The following XAF1 variants were observed in gnomAD, a reference collection of about 807,000 sequenced individuals.
XAF1 encodes XIAP-associated factor 1.
In XAF1, 32 loss-of-function variants were observed where a neutral mutation model predicts 32.3. The ratio of observed to expected loss-of-function variants is 0.99; its 90% CI spans 0.75 to 1.33. The LOEUF is 1.33. Ranked by LOEUF, XAF1 falls within the 40% of genes most tolerant of loss-of-function variation. The probability of loss-of-function intolerance (pLI) is 0.00; values close to 1 mark genes in which losing one functional copy is unlikely to be tolerated. For synonymous variants in XAF1, 120 were observed against 125.9 expected, an observed-to-expected ratio of 0.95 and a Z score of 0.31; for missense variants, 379 against 366.0, an observed-to-expected ratio of 1.04 and a Z score of -0.29.
rs1209514482 is a variant in XAF1, at chr17:6,758,097, A to G, written c.41A>G (p.His14Arg). The G allele has an allele frequency of 6.2e-7, 1 of 1,614,232 alleles. No homozygotes were observed. The highest frequency in any genetic ancestry group is 1.1e-5 in the South Asian group (1 of 91,078). Residue 14 changes from histidine to arginine, a missense_variant, in exon 2 of 7, where the codon CAT becomes CGT. Transcript: ENST00000361842. Reference sequence around the variant, plus strand: ...ACACCTTGACCCTGTAGTAAAAGACATGTAGTCTCTGCCAACTTCACCCTC... The same window carrying G: ...ACACCTTGACCCTGTAGTAAAAGACGTGTAGTCTCTGCCAACTTCACCCTC... ...DFSVCRNCKR[H>R]VVSANFTLHE... is the part of the protein sequence containing the mutation.
chr17:6,760,692 C>A, intron 4 of XAF1, 91 bp downstream of exon 4: 2 of 1,283,242 alleles, frequency 1.6e-6, no homozygotes, highest in Non-Finnish European at 2.2e-6. Flanking sequence ...CTCAACAGGA[C>A]GGATGACAAG....
In XAF1 at chr17:6,762,157, GA is replaced by G; in HGVS notation, c.427del (p.Arg143GlufsTer17). The G allele has an allele frequency of 1.9e-6, 3 of 1,612,794 alleles. No homozygotes were observed. In the South Asian group the frequency reaches 3.3e-5, roughly 18 times the overall value. Reference sequence around the variant, plus strand: ...GTGTTGTTTCTCTGCTTATTCAGGGGAAAGAATTTCAGCTCCTGAAAGGGAA... The same window carrying G: ...GTGTTGTTTCTCTGCTTATTCAGGGGAAGAATTTCAGCTCCTGAAAGGGAA... ...RSEQAQLGKG[E>X]RISAPEREIY... On this transcript the variant is annotated frameshift_variant, in exon 5 of 7. Transcript: ENST00000361842. LOFTEE classifies it high-confidence loss of function.
In XAF1 at chr17:6,774,951, G is replaced by A. The variant is rs991031495; in HGVS notation, c.*1782G>A. 3.9e-5 allele frequency: 6 copies of A among 151,980 alleles called. No homozygotes were observed. Among genetic ancestry groups the A allele is most frequent in the African/African-American group, 1.5e-4 (6 of 41,334 alleles). The allele number at this position is 151,980 out of a possible 1,614,324, so 9.4% of individuals were successfully genotyped here. A position where few individuals can be genotyped will look rare whatever the true frequency, so the allele number is the denominator to read the frequency against. ...AGCTACTTGGGAGGCCTAGGCGTGA[G>A]AATCGCTTGAACCTGGAAGGTGGTG... On this transcript the variant is annotated 3_prime_UTR_variant, in exon 7 of 7. Transcript: ENST00000361842.
chr17:6,764,063 C>T (rs1208498944), intron 5 of XAF1, among the ~76,000 whole-genome samples: 1 of 152,208 alleles, frequency 6.6e-6, no homozygotes, highest in Non-Finnish European at 1.5e-5. Flanking sequence ...AAGTGGGGAG[C>T]TCCAATACAC....
At chr17:6,764,831 A>G (rs552306634) in intron 5 of XAF1, among the ~76,000 whole-genome samples, 4 of 152,162 alleles carry the variant, frequency 2.6e-5, no homozygotes. Flanking sequence ...CATTTTAACC[A>G]AATCTGCTCT....
chr17:6,769,154 A>T (rs1975832816), intron 5 of XAF1, among the ~76,000 whole-genome samples: 1 of 151,674 alleles, frequency 6.6e-6, no homozygotes, highest in African/African-American at 2.4e-5. Context: ...ATTTCCTGAA[A>T]TTATCTCCAA....
In XAF1 at chr17:6,773,502, G is replaced by A. The variant is rs1976211561; in HGVS notation, c.*333G>A. On this transcript the variant is annotated 3_prime_UTR_variant, in exon 7 of 7. Coordinates refer to ENST00000361842, the MANE Select transcript of XAF1 (RefSeq NM_017523.5). The stretch of plus-strand genomic sequence containing the variant: ...AAAGCTGGAGCATTACTCTTGAGAA[G>A]TAGAACAAGGCACTTCAGTCCTATT... 2 of 248,862 alleles carry A rather than the reference G, an allele frequency of 8.0e-6. No homozygotes were observed. Among genetic ancestry groups the A allele is most frequent in the South Asian group, 1.1e-4 (2 of 18,646 alleles). 15.4% of individuals were successfully genotyped at this position (248,862 alleles called of 1,614,324 possible).
intron 5 of XAF1, among the ~76,000 whole-genome samples, chr17:6,767,671 TG>T (rs1975713641): frequency 1.3e-5 from 2 of 152,202 alleles, no homozygotes; most frequent in Admixed American, 1.3e-4. Flanking sequence ...TCACTCTCAA[TG>T]ATGTTAACAA....
chr17:6,764,216 C>T (rs752851361), intron 5 of XAF1, among the ~76,000 whole-genome samples: 1 of 152,176 alleles, frequency 6.6e-6, no homozygotes, highest in Admixed American at 6.5e-5. Context: ...AAGAAGACAT[C>T]CACAACCAGC....
rs534302106 is a variant in XAF1 at position 6,760,124 on chromosome 17, T to C, written c.226-282T>C. ...CAGCACTTTGGGAGGCCAAGGCGGG[T>C]GGATCACGAGGTCAGGAGTTCGAGA... On this transcript the variant is annotated intron_variant, in intron 3 of 6. Coordinates refer to ENST00000361842, the MANE Select transcript of XAF1 (RefSeq NM_017523.5). Among the ~76,000 whole-genome samples the C allele has an allele frequency of 4.9e-3, 748 of 151,478 alleles. 9 individuals carry two copies. Among genetic ancestry groups the C allele is most frequent in the African/African-American group, 0.017 (712 of 41,248 alleles).
chr17:6,758,653 G>T (rs1974915455), intron 2 of XAF1: 3 of 321,094 alleles, frequency 9.3e-6, no homozygotes. Context: ...AGGGGCAAGT[G>T]TTCCATCTTC....
chr17:6,758,974 G>T, intron 2 of XAF1: 1 of 279,198 alleles, frequency 3.6e-6, no homozygotes, highest in Non-Finnish European at 6.5e-6. Context: ...GATGGGGTCT[G>T]GGAGGGGCAA....
At chr17:6,763,654 G>C (rs776924264) in intron 5 of XAF1, among the ~76,000 whole-genome samples, 1 of 152,016 alleles carries the variant, frequency 6.6e-6, no homozygotes, top group Admixed American at 6.6e-5. Flanking sequence ...GTAAACATTC[G>C]GATTGTTTCC....
chr17:6,768,564 T>C (rs1975788981), intron 5 of XAF1, among the ~76,000 whole-genome samples: 1 of 152,220 alleles, frequency 6.6e-6, no homozygotes, highest in Non-Finnish European at 1.5e-5. Flanking sequence ...AATCTTTAGT[T>C]GCCTGAAAAT....
rs115302475 is a variant in XAF1, at chr17:6,765,698, C to T, written c.507+3458C>T. On this transcript the variant is annotated intron_variant, in intron 5 of 6. Coordinates refer to ENST00000361842, the MANE Select transcript of XAF1 (RefSeq NM_017523.5). ...TTCACTCTCGACTTCTCTTTCCCTC[C>T]GCATTGCTACCCTGGTATGAACCAT... Among the ~76,000 whole-genome samples, 870 of 152,284 alleles carry T rather than the reference C, an allele frequency of 5.7e-3. 12 individuals are homozygous for T. The highest frequency in any genetic ancestry group is 0.019 in the African/African-American group (808 of 41,552).
chr17:6,755,540 T>C, upstream of XAF1: 1 of 996,562 alleles, frequency 1.0e-6, no homozygotes, highest in Non-Finnish European at 1.2e-6. Flanking sequence ...AGATTGGGTC[T>C]GGGCTCACAC....
In XAF1 at chr17:6,773,097, T is replaced by G. The variant is rs762314888; in HGVS notation, c.850-16T>G. On this transcript the variant is annotated splice_polypyrimidine_tract_variant and intron_variant, in intron 6 of 6. Coordinates refer to ENST00000361842, the MANE Select transcript of XAF1 (RefSeq NM_017523.5). ...TACTTTAACCATATCAAACTTTTTT[T>G]ATATCCATTTCTTAGGAGAAATGCC... 7 of 1,600,832 alleles carry G rather than the reference T, an allele frequency of 4.4e-6. No individual in the cohort carries two copies. The highest frequency in any genetic ancestry group is 4.1e-5 in the African/African-American group (3 of 73,812).
chr17:6,762,974 C>T (rs1567653663), intron 5 of XAF1, among the ~76,000 whole-genome samples: 1 of 152,238 alleles, frequency 6.6e-6, no homozygotes, highest in African/African-American at 2.4e-5. Context: ...TTTTCTTTTT[C>T]TTTTTACTAT....
rs1975253366 is a variant in XAF1, at chr17:6,762,095, G to A, written c.422-60G>A. On this transcript the variant is annotated intron_variant, in intron 4 of 6. Coordinates refer to ENST00000361842, the MANE Select transcript of XAF1 (RefSeq NM_017523.5). ...ACAGGCCATGTATGCAGTTGTGGGA[G>A]AGCTGGGCTAGCCGTTGACAAGGAC... 6.2e-6 allele frequency: 10 copies of A among 1,609,764 alleles called. No individual in the cohort carries two copies. In the Middle Eastern group the frequency reaches 1.5e-3, roughly 239 times the overall value.
Sources: allele counts gnomAD v4.1 joint callset (sites outside exome capture counted in the v4.1 genomes callset), GRCh38; gene constraint gnomAD v4.1.1; transcripts MANE v1.5; gene names NCBI Gene and HGNC (gene_info 2026-07-23, HGNC 2026-07-21).